C1D: variants seen among roughly 807,000 people sequenced by gnomAD.
The protein encoded by C1D is nuclear nucleic acid-binding protein C1D.
In C1D, 10 loss-of-function variants were observed where a neutral mutation model predicts 17.5. That is an observed-to-expected ratio of 0.57 (90% CI 0.35 to 0.97). The LOEUF (loss-of-function observed/expected upper bound fraction) is 0.97. C1D is among the 50% of genes least tolerant of loss of function. The pLI is 0.01. For missense variants in C1D, 136 were observed against 160.1 expected (o/e 0.85, Z 0.81); for synonymous variants, 49 against 54.0 (o/e 0.91, Z 0.40).
chr2:68,054,623 G>T (rs950848140), intron 1 of C1D, among the ~76,000 whole-genome samples: 7 of 152,052 alleles, frequency 4.6e-5, no homozygotes, highest in Admixed American at 4.6e-4. Flanking sequence ...ATTCATGTTT[G>T]ACTAAATATC....
chr2:68,060,124 C>T (rs879873017), intron 1 of C1D, among the ~76,000 whole-genome samples: 2 of 152,224 alleles, frequency 1.3e-5, no homozygotes, highest in Non-Finnish European at 2.9e-5. Context: ...TGACAATAAC[C>T]TTATTCTTAC....
intron 1 of C1D, among the ~76,000 whole-genome samples, chr2:68,056,810 TAGTC>T (rs1455884988): frequency 6.6e-6 from 1 of 152,222 alleles, no homozygotes; most frequent in Non-Finnish European, 1.5e-5. Context: ...CATTCACTAT[TAGTC>T]AGGGTATAAA....
At chr2:68,055,975 CAAATATAACTGGAGTGAGGGAG>C (rs1323465198) in intron 1 of C1D, among the ~76,000 whole-genome samples, 1 of 152,134 alleles carries the variant, frequency 6.6e-6, no homozygotes, top group Admixed American at 6.5e-5. Context: ...ATTTCAATTC[CAAATATAACTGGAGTGAGGGAG>C]AGGAAGGTTA....
At chr2:68,047,412 T>C (rs1671160886) in intron 1 of C1D, 93 bp from the exon 2 acceptor site, 4 of 894,828 alleles carry the variant, frequency 4.5e-6, no homozygotes, top group Non-Finnish European at 6.5e-6. Flanking sequence ...ATCATGTATT[T>C]CAAAGGCACT....
At position 68,042,959 on chromosome 2, in the gene C1D, T is replaced by C. The variant is rs1179707129; in HGVS notation, c.356A>G (p.Lys119Arg). The part of the protein sequence containing the change: ...LDRGAASRFV[K>R]NALWEPKSKN... ...CGATTTTGGTTCCCAGAGGGCATTT[T>C]TTACAAATCTTGAAGCTGCACCTCT... The change falls in exon 5 of 5, where the codon AAA becomes AGA. Residue 119 changes from lysine (K) to arginine (R), a missense_variant. Lys to Arg is a conservative substitution (Grantham distance 26). Transcript: ENST00000410067. 1.3e-5 allele frequency: 21 copies of C among 1,611,440 alleles called. No homozygotes were observed. Among genetic ancestry groups the C allele is most frequent in the Admixed American group, 1.7e-5 (1 of 59,870 alleles).
chr2:68,060,076 G>C (rs756824316), intron 1 of C1D, among the ~76,000 whole-genome samples: 9 of 152,174 alleles, frequency 5.9e-5, no homozygotes, highest in Non-Finnish European at 1.3e-4. Flanking sequence ...CTCAGTTAAT[G>C]GCAATTCCCT....
At position 68,041,780 on chromosome 2, in the gene C1D, T is replaced by G. The variant is rs1670964673; in HGVS notation, c.*1109A>C. On this transcript the variant is annotated 3_prime_UTR_variant, in exon 5 of 5. Transcript: ENST00000410067. ...CTCCTTTTTCAAAAATTAAAGTACT[T>G]TACTATACTTGGCATTCCTACACAT... 1 of 152,010 alleles carries G rather than the reference T, an allele frequency of 6.6e-6. No individual in the cohort carries two copies. Among genetic ancestry groups the G allele is most frequent in the Admixed American group, 6.6e-5 (1 of 15,262 alleles). The allele number at this position is 152,010 out of a possible 1,614,324, so 9.4% of individuals were successfully genotyped here.
intron 1 of C1D, among the ~76,000 whole-genome samples, chr2:68,051,316 C>T (rs1022147636): frequency 2.6e-5 from 4 of 151,960 alleles, no homozygotes; most frequent in Non-Finnish European, 5.9e-5. Flanking sequence ...CCCAGGAGTT[C>T]GAGACCAACC....
chr2:68,051,909 A>G (rs2103805362), intron 1 of C1D, among the ~76,000 whole-genome samples: 1 of 152,084 alleles, frequency 6.6e-6, no homozygotes, highest in South Asian at 2.1e-4. Context: ...TTGCCGGTCT[A>G]CTGCCAAAAG....
At chr2:68,053,249 C>T (rs1671340291) in intron 1 of C1D, 2 of 1,523,762 alleles carry the variant, frequency 1.3e-6, no homozygotes, top group East Asian at 2.5e-5. Flanking sequence ...TGCCCAGTAA[C>T]CCTAACAGAT....
chr2:68,052,633 TAGTA>T (rs925420457), intron 1 of C1D, among the ~76,000 whole-genome samples: 3 of 152,144 alleles, frequency 2.0e-5, no homozygotes, highest in Admixed American at 6.5e-5. Flanking sequence ...GAAAGCATGG[TAGTA>T]AGTAAGAATA....
At position 68,041,139 on chromosome 2, in the gene C1D, T is replaced by A. The variant is rs1328995154; in HGVS notation, c.*1750A>T. 6.6e-6 allele frequency: 1 copy of A among 151,972 alleles called. No homozygotes were observed. Among genetic ancestry groups the A allele is most frequent in the Non-Finnish European group, 1.5e-5 (1 of 67,860 alleles). The allele number at this position is 151,972 out of a possible 1,614,324, so 9.4% of individuals were successfully genotyped here. A position where few individuals can be genotyped will look rare whatever the true frequency, so the allele number is the denominator to read the frequency against. On this transcript the variant is annotated 3_prime_UTR_variant, in exon 5 of 5. Coordinates refer to ENST00000410067, the MANE Select transcript of C1D (RefSeq NM_173177.3). ...AAGCAACCCAATGCACTACAGCCAT[T>A]CAGCTCCTTATTACGTGCTAAGTAT...
At chr2:68,054,980 A>T (rs72821826) in intron 1 of C1D, among the ~76,000 whole-genome samples, 8,427 of 103,480 alleles carry the variant, frequency 0.081, 402 homozygotes, top group East Asian at 0.32. Flanking sequence ...TTTTTTTTTT[A>T]AAAAAAAAAA....
chr2:68,048,509 T>C (rs1386533716), intron 1 of C1D, among the ~76,000 whole-genome samples: 1 of 152,240 alleles, frequency 6.6e-6, no homozygotes, highest in East Asian at 1.9e-4. Flanking sequence ...TTCCTTATAG[T>C]TCTAAATGTT....
chr2:68,049,333 A>C (rs1671218197), intron 1 of C1D, among the ~76,000 whole-genome samples: 1 of 152,168 alleles, frequency 6.6e-6, no homozygotes, highest in Non-Finnish European at 1.5e-5. Context: ...TAGCTAACCT[A>C]ATTTCCAGAT....
chr2:68,054,388 G>T (rs1310294210), intron 1 of C1D, among the ~76,000 whole-genome samples: 1 of 152,126 alleles, frequency 6.6e-6, no homozygotes, highest in African/African-American at 2.4e-5. Context: ...TTTACATAGG[G>T]CAGGCTATGA....
rs1671251393 is a variant in C1D at position 68,050,582 on chromosome 2, C to T, written c.-9-3263G>A. Among the ~76,000 whole-genome samples the T allele has an allele frequency of 2.0e-5, 3 of 152,158 alleles. No individual in the cohort carries two copies. In the South Asian group the frequency reaches 6.2e-4, roughly 31 times the overall value. On this transcript the variant is annotated intron_variant, in intron 1 of 4. Coordinates refer to ENST00000410067, the MANE Select transcript of C1D (RefSeq NM_173177.3). ...TCTCTTGGTTTTCTCCGTTTCCTTT[C>T]TATCTCACTGGCTCCTTTCTTGGTC...
intron 3 of C1D, 109 bp from the exon 4 acceptor site, chr2:68,046,152 AC>A: frequency 2.2e-6 from 2 of 889,676 alleles, no homozygotes; most frequent in Non-Finnish European, 3.4e-6. Context: ...AAACAATTAA[AC>A]TTTAAATTAT....
At chr2:68,053,394 G>C in intron 1 of C1D, 3 of 578,566 alleles carry the variant, frequency 5.2e-6, no homozygotes, top group Non-Finnish European at 8.3e-6. Flanking sequence ...TCCACTTCAG[G>C]GTGGCCAATC....
Sources: allele counts gnomAD v4.1 joint callset (sites outside exome capture counted in the v4.1 genomes callset), GRCh38; gene constraint gnomAD v4.1.1; transcripts MANE v1.5; gene names NCBI Gene and HGNC (gene_info 2026-07-23, HGNC 2026-07-21).